The following TMEM156 variants were observed in gnomAD, a reference collection of about 807,000 sequenced individuals.
TMEM156 encodes transmembrane protein 156.
In TMEM156, 28 loss-of-function variants were observed where a neutral mutation model predicts 30.5. The observed-to-expected ratio is 0.92, with a 90% CI of 0.68 to 1.26. The LOEUF (loss-of-function observed/expected upper bound fraction) is 1.26. Ranked by LOEUF, TMEM156 falls within the 50% of genes most tolerant of loss-of-function variation. The pLI, the probability that TMEM156 is intolerant of heterozygous loss-of-function variation, is 0.00. For synonymous variants in TMEM156, 137 were observed against 119.9 expected (o/e 1.14, Z -0.93); for missense variants, 351 against 340.6 (o/e 1.03, Z -0.24).
chr4:38,970,652 C>A (rs11946134), intron 6 of TMEM156, among the ~76,000 whole-genome samples: 6,965 of 152,194 alleles, frequency 0.046, 521 homozygotes, highest in African/African-American at 0.16. Context: ...TCAGATGTTA[C>A]ATTTAGAGAA....
At chr4:38,991,222 CTTTTCT>C (rs1247518505) in intron 3 of TMEM156, among the ~76,000 whole-genome samples, 2 of 137,654 alleles carry the variant, frequency 1.5e-5, no homozygotes, top group African/African-American at 5.4e-5. Flanking sequence ...CTTTTCTTTT[CTTTTCT>C]TTTTTTTTTT....
chr4:39,025,743 T>C (rs1175084444), intron 1 of TMEM156, among the ~76,000 whole-genome samples: 1 of 152,056 alleles, frequency 6.6e-6, no homozygotes, highest in Non-Finnish European at 1.5e-5. Flanking sequence ...ATAAAGAAAA[T>C]GGCAGGAAAA....
intron 1 of TMEM156, among the ~76,000 whole-genome samples, chr4:39,020,174 A>G (rs1283236804): frequency 6.6e-6 from 1 of 152,218 alleles, no homozygotes; most frequent in Non-Finnish European, 1.5e-5. Context: ...TCTTGTGTAT[A>G]TGTACCACGT....
intron 1 of TMEM156, among the ~76,000 whole-genome samples, chr4:39,021,545 A>T (rs1166257870): frequency 6.6e-6 from 1 of 152,142 alleles, no homozygotes; most frequent in Non-Finnish European, 1.5e-5. Context: ...TATATTTTGG[A>T]TATTAAACCC....
At chr4:39,027,599 AGGC>A (rs1447398439) in intron 1 of TMEM156, among the ~76,000 whole-genome samples, 10 of 127,700 alleles carry the variant, frequency 7.8e-5, no homozygotes, top group African/African-American at 2.7e-4. Flanking sequence ...TCTGTCACTC[AGGC>A]TGAAGTGCAA....
chr4:38,993,808 G>A lies in TMEM156; in HGVS notation c.549C>T (p.Tyr183=), dbSNP rs752249210. ...DEPSKEKSIN[Y]TCRIMEYPND... ...TCGGGTATTCCATGATTCTACAAGT[G>A]TAGTTTATCGATTTCTCCTTGCTTG... is the stretch of plus-strand genomic sequence containing the variant. The change falls in exon 3 of 7, where the codon TAC becomes TAT. Residue 183 remains tyrosine (Y), a synonymous_variant. Coordinates refer to ENST00000381938, the MANE Select transcript of TMEM156 (RefSeq NM_024943.3). 12 of 1,613,822 alleles carry A rather than the reference G, an allele frequency of 7.4e-6. No homozygotes were observed. The highest frequency in any genetic ancestry group is 1.0e-5 in the Non-Finnish European group (12 of 1,179,790).
intron 5 of TMEM156, among the ~76,000 whole-genome samples, chr4:38,973,466 ATTGTTTTAAATACAG>A (rs1374273737): frequency 1.3e-5 from 2 of 152,094 alleles, no homozygotes; most frequent in African/African-American, 4.8e-5. Context: ...TTTATTTATA[ATTGTTTTAAATACAG>A]TGTATCCTCT....
intron 1 of TMEM156, among the ~76,000 whole-genome samples, chr4:39,001,727 C>T (rs1258711358): frequency 1.4e-5 from 2 of 147,022 alleles, no homozygotes; most frequent in East Asian, 2.1e-4. Context: ...GAAATAACGC[C>T]GCATATCTAC....
intron 4 of TMEM156, among the ~76,000 whole-genome samples, chr4:38,987,880 C>T (rs1421937935): frequency 6.6e-6 from 1 of 152,114 alleles, no homozygotes; most frequent in Admixed American, 6.5e-5. Flanking sequence ...AGTAATACAT[C>T]TTGCACTGTC....
chr4:38,993,272 A>G (rs1712673256), intron 3 of TMEM156, among the ~76,000 whole-genome samples: 1 of 152,014 alleles, frequency 6.6e-6, no homozygotes, highest in African/African-American at 2.4e-5. Flanking sequence ...TCTACTAAAA[A>G]TACAAAAAAT....
chr4:38,999,666 A>C (rs1452015520), intron 1 of TMEM156, among the ~76,000 whole-genome samples: 3 of 152,208 alleles, frequency 2.0e-5, no homozygotes, highest in Non-Finnish European at 2.9e-5. Flanking sequence ...TTCAGTAGTC[A>C]GAAGTTGAGA....
chr4:39,009,412 C>T (rs1334346146), intron 1 of TMEM156, among the ~76,000 whole-genome samples: 1 of 152,056 alleles, frequency 6.6e-6, no homozygotes, highest in Non-Finnish European at 1.5e-5. Flanking sequence ...CCAGTATCAT[C>T]CTGACACCAA....
At chr4:39,018,758 C>T (rs1714666791) in intron 1 of TMEM156, among the ~76,000 whole-genome samples, 1 of 152,168 alleles carries the variant, frequency 6.6e-6, no homozygotes, top group African/African-American at 2.4e-5. Context: ...CGATGGCTCA[C>T]ACCTGTAATC....
At chr4:39,020,837 C>T (rs185556514) in intron 1 of TMEM156, among the ~76,000 whole-genome samples, 10 of 152,216 alleles carry the variant, frequency 6.6e-5, no homozygotes, top group East Asian at 1.9e-4. Flanking sequence ...TGTGAGCCAC[C>T]GCACCCAGCC....
chr4:38,977,713 C>A lies in TMEM156; in HGVS notation c.824-6576G>T, dbSNP rs1424286046. On this transcript the variant is annotated intron_variant, in intron 5 of 6. Coordinates refer to ENST00000381938, the MANE Select transcript of TMEM156 (RefSeq NM_024943.3). ...TATCAAATCTCTGAAACAAACATTT[C>A]TATGACTTCTTTTCAGAAACTTCAA... Among the ~76,000 whole-genome samples, 3 of 152,294 alleles carry A rather than the reference C, an allele frequency of 2.0e-5. No homozygotes were observed. In the East Asian group the frequency reaches 5.8e-4, roughly 29 times the overall value.
chr4:38,993,612 G>A (rs2109956566), intron 3 of TMEM156, 126 bp downstream of exon 3: 1 of 772,950 alleles, frequency 1.3e-6, no homozygotes, highest in Non-Finnish European at 2.0e-6. Context: ...CATTCTTTCA[G>A]GCTATATTAT....
At chr4:39,010,550 G>C (rs998762703) in intron 1 of TMEM156, among the ~76,000 whole-genome samples, 6 of 152,086 alleles carry the variant, frequency 3.9e-5, no homozygotes, top group Non-Finnish European at 8.8e-5. Flanking sequence ...CATGGTAATG[G>C]TACAAAAACA....
intron 1 of TMEM156, among the ~76,000 whole-genome samples, chr4:39,018,273 A>G (rs564134113): frequency 6.6e-6 from 1 of 152,330 alleles, no homozygotes; most frequent in African/African-American, 2.4e-5. Flanking sequence ...AACTCGGATC[A>G]TCTCCTTCCT....
chr4:38,980,770 C>T (rs1723139590), intron 5 of TMEM156: 1 of 201,700 alleles, frequency 5.0e-6, no homozygotes, highest in Admixed American at 6.5e-5. Flanking sequence ...AACGAGACAA[C>T]ATCAGGGTGG....
Sources: allele counts gnomAD v4.1 joint callset (sites outside exome capture counted in the v4.1 genomes callset), GRCh38; gene constraint gnomAD v4.1.1; transcripts MANE v1.5; gene names NCBI Gene and HGNC (gene_info 2026-07-23, HGNC 2026-07-21).